Variants in SLC26A5 observed in about 807,000 individuals in gnomAD.
SLC26A5 encodes the protein solute carrier family 26 member 5.
A neutral mutation model predicts 81.0 loss-of-function variants in SLC26A5; 51 were observed. That is an observed-to-expected ratio of 0.63 (90% CI 0.50 to 0.80). The LOEUF (loss-of-function observed/expected upper bound fraction) is 0.80. SLC26A5 is among the 30% of genes least tolerant of loss of function. SLC26A5 has a pLI of 0.00. For synonymous variants in SLC26A5, 325 were observed against 332.8 expected, an observed-to-expected ratio of 0.98 and a Z score of 0.25; for missense variants, 771 against 905.8, an observed-to-expected ratio of 0.85 and a Z score of 1.91.
At chr7:103,445,490 A>T (rs1191303663) in intron 1 of SLC26A5, 1 of 152,268 alleles carries the variant, frequency 6.6e-6, no homozygotes, top group Non-Finnish European at 1.5e-5. Flanking sequence ...GGAGGGGGCC[A>T]ATACCAAATT....
At chr7:103,411,798 A>G (rs1824511954) in intron 5 of SLC26A5, among the ~76,000 whole-genome samples, 2 of 152,210 alleles carry the variant, frequency 1.3e-5, no homozygotes, top group Admixed American at 1.3e-4. Flanking sequence ...AGACATAGCA[A>G]TATCTTCCAT....
intron 2 of SLC26A5, among the ~76,000 whole-genome samples, chr7:103,440,756 G>A (rs961369212): frequency 6.6e-6 from 1 of 152,208 alleles, no homozygotes; most frequent in African/African-American, 2.4e-5. Context: ...AGCTAGTTTT[G>A]TAGGTCTGCA....
At chr7:103,381,945 A>T (rs1821831849) in intron 14 of SLC26A5, among the ~76,000 whole-genome samples, 1 of 151,494 alleles carries the variant, frequency 6.6e-6, no homozygotes, top group East Asian at 1.9e-4. Flanking sequence ...ACACACACAC[A>T]CACACATCAC....
At chr7:103,398,065 T>G in intron 8 of SLC26A5, 51 bp from the exon 9 acceptor site, 1 of 1,365,492 alleles carries the variant, frequency 7.3e-7, no homozygotes, top group Non-Finnish European at 1.0e-6. Flanking sequence ...GTTCAAATAC[T>G]GCAAAAATCA....
chr7:103,376,301 C>A (rs1403880374), intron 19 of SLC26A5, among the ~76,000 whole-genome samples: 1 of 150,802 alleles, frequency 6.6e-6, no homozygotes, highest in South Asian at 2.1e-4. Context: ...GTCTTGAACT[C>A]CTAGGCTCAG....
At chr7:103,411,397 A>C in intron 6 of SLC26A5, 23 bp downstream of exon 6, 2 of 1,613,852 alleles carry the variant, frequency 1.2e-6, no homozygotes, top group Non-Finnish European at 1.7e-6. Flanking sequence ...GAGACAGTCC[A>C]TTTCCCCATC....
intron 14 of SLC26A5, among the ~76,000 whole-genome samples, chr7:103,385,931 C>T (rs377747947): frequency 6.9e-6 from 1 of 144,488 alleles, no homozygotes; most frequent in African/African-American, 2.6e-5. Context: ...TTTTTTCTTT[C>T]TTTCTTTTTT....
At chr7:103,393,100 GACC>G in intron 9 of SLC26A5, 34 bp from the exon 10 acceptor site, 1 of 1,612,996 alleles carries the variant, frequency 6.2e-7, no homozygotes, top group Non-Finnish European at 8.5e-7. Context: ...CTTGTGTTGT[GACC>G]ACAAGGGAAA....
intron 4 of SLC26A5, among the ~76,000 whole-genome samples, chr7:103,420,073 A>T (rs80077816): frequency 0.02 from 3,096 of 152,242 alleles, 168 homozygotes; most frequent in East Asian, 0.19. Context: ...TATATCACAT[A>T]TAAAACCACA....
chr7:103,422,049 T>C (rs1347326571), intron 2 of SLC26A5, among the ~76,000 whole-genome samples: 1 of 152,244 alleles, frequency 6.6e-6, no homozygotes, highest in Non-Finnish European at 1.5e-5. Flanking sequence ...ACATGTCTGT[T>C]TGAGGCAAGT....
intron 19 of SLC26A5, among the ~76,000 whole-genome samples, chr7:103,360,686 G>T (rs1293553252): frequency 1.3e-5 from 2 of 152,058 alleles, no homozygotes; most frequent in African/African-American, 4.8e-5. Flanking sequence ...TCTGTTTTTT[G>T]TTTTTGTTTT....
chr7:103,362,750 A>G, intron 19 of SLC26A5: 1 of 1,582,732 alleles, frequency 6.3e-7, no homozygotes, highest in Non-Finnish European at 8.7e-7. Flanking sequence ...AACAGTTACC[A>G]TGATGCAGGT....
At chr7:103,353,996 A>T in intron 19 of SLC26A5, 1 of 1,472,666 alleles carries the variant, frequency 6.8e-7, no homozygotes, top group Non-Finnish European at 9.2e-7. Flanking sequence ...TAGATGTTTT[A>T]TGTTGAAATA....
chr7:103,353,817 C>T, intron 19 of SLC26A5: 1 of 1,010,562 alleles, frequency 9.9e-7, no homozygotes, highest in Non-Finnish European at 1.5e-6. Context: ...TTGACACTCA[C>T]TTAAAACAAT....
intron 9 of SLC26A5, 113 bp from the exon 10 acceptor site, chr7:103,393,179 A>C: frequency 1.5e-6 from 2 of 1,298,300 alleles, no homozygotes; most frequent in Non-Finnish European, 2.2e-6. Flanking sequence ...TGAAGTAATC[A>C]ATGCTTGGAT....
chr7:103,362,611 G>A (rs1820474618), intron 19 of SLC26A5: 3 of 1,479,906 alleles, frequency 2.0e-6, no homozygotes, highest in Non-Finnish European at 2.8e-6. Flanking sequence ...ATGGTTTTGG[G>A]GATAAAGGAC....
At chr7:103,420,947 C>T (rs1051541035) in intron 3 of SLC26A5, 70 bp from the exon 4 acceptor site, 6 of 1,507,070 alleles carry the variant, frequency 4.0e-6, no homozygotes, top group Non-Finnish European at 5.5e-6. Context: ...CAAACCAAAG[C>T]ATTTTCCCTT....
chr7:103,430,848 G>A (rs879562303), intron 2 of SLC26A5, among the ~76,000 whole-genome samples: 3 of 152,146 alleles, frequency 2.0e-5, no homozygotes, highest in Non-Finnish European at 4.4e-5. Flanking sequence ...GCAGCCATGG[G>A]CTCTTGTTAT....
chr7:103,405,723 G>A (rs951221990), intron 8 of SLC26A5, among the ~76,000 whole-genome samples: 13 of 152,210 alleles, frequency 8.5e-5, no homozygotes, highest in Non-Finnish European at 1.6e-4. Context: ...GAGATCTGGT[G>A]CTCTCTTCAG....
Sources: gnomAD v4.1 joint callset for allele counts (sites outside exome capture counted in the v4.1 genomes callset) on GRCh38, gnomAD v4.1.1 for gene constraint, MANE v1.5 for transcripts, NCBI Gene and HGNC (gene_info 2026-07-23, HGNC 2026-07-21) for gene names.